HDLBP: variants seen among roughly 807,000 people sequenced by gnomAD.
The protein encoded by HDLBP is vigilin.
HDLBP carries 30 observed loss-of-function variants against 137.3 expected under a neutral mutation model. That is an observed-to-expected ratio of 0.22 (90% confidence interval 0.16 to 0.30). The LOEUF is 0.30. Among genes scored for constraint, HDLBP ranks in the 10% least tolerant of loss-of-function variants. The pLI, the probability that HDLBP is intolerant of heterozygous loss-of-function variation, is 1.00. For missense variants in HDLBP, 1,119 were observed against 1,667.3 expected (o/e 0.67, Z 5.73); for synonymous variants, 606 against 596.0 (o/e 1.02, Z -0.24).
intron 20 of HDLBP, among the ~76,000 whole-genome samples, chr2:241,237,593 T>TAA: frequency 6.6e-6 from 1 of 152,148 alleles, no homozygotes; most frequent in Non-Finnish European, 1.5e-5. Flanking sequence ...GACAACATAT[T>TAA]AGATACTACT....
Position 241,246,836 on chromosome 2 carries a change from G to T in HDLBP, c.1866C>A (p.Ser622Arg). The T allele has an allele frequency of 6.2e-7, 1 of 1,613,942 alleles. No individual in the cohort carries two copies. Among genetic ancestry groups the T allele is most frequent in the Non-Finnish European group, 8.5e-7 (1 of 1,179,788 alleles). ...NTKIDLPAEN[S>R]NSETIIITGK... Reference sequence around the variant, plus strand: ...CTGTGATGATAATGGTCTCTGAATTGCTATTCTCTGCTGGAAGGTCGATTT... The same window carrying T: ...CTGTGATGATAATGGTCTCTGAATTTCTATTCTCTGCTGGAAGGTCGATTT... Residue 622 changes from serine to arginine, a missense_variant, in exon 16 of 28, where the codon AGC becomes AGA. By Grantham distance (110) the Ser-to-Arg change is moderately radical. This residue lies in a region of HDLBP where 425 missense variants were observed against 693.9 expected (regional missense o/e 0.61). Coordinates refer to ENST00000310931, the MANE Select transcript of HDLBP (RefSeq NM_005336.6).
At chr2:241,301,500 C>CA (rs2075395154) in intron 1 of HDLBP, among the ~76,000 whole-genome samples, 1 of 152,106 alleles carries the variant, frequency 6.6e-6, no homozygotes, top group Admixed American at 6.5e-5. Context: ...TCGGATGATG[C>CA]AGTGTATTTC....
At chr2:241,235,052 T>C in intron 23 of HDLBP, 69 bp downstream of exon 23, 1 of 1,571,512 alleles carries the variant, frequency 6.4e-7, no homozygotes, top group Non-Finnish European at 8.6e-7. Flanking sequence ...AGAACTTCCC[T>C]AGATTCTGAC....
chr2:241,273,487 G>C (rs1367716067), intron 1 of HDLBP: 1 of 647,784 alleles, frequency 1.5e-6, no homozygotes, highest in Non-Finnish European at 1.9e-6. Context: ...TGGGCGGAAC[G>C]GAATCCCTAC....
chr2:241,271,419 G>A (rs2074028717), intron 1 of HDLBP, among the ~76,000 whole-genome samples: 1 of 152,230 alleles, frequency 6.6e-6, no homozygotes. Context: ...AATACGTGTA[G>A]AGCAAAACGT....
intron 11 of HDLBP, among the ~76,000 whole-genome samples, chr2:241,251,805 T>G (rs1014384855): frequency 6.6e-6 from 1 of 151,998 alleles, no homozygotes; most frequent in Non-Finnish European, 1.5e-5. Context: ...TGAAATTCCA[T>G]CTCTACTAAA....
chr2:241,236,946 C>A (rs1325773057), intron 20 of HDLBP, among the ~76,000 whole-genome samples, 177 bp from the exon 21 acceptor site: 1 of 148,732 alleles, frequency 6.7e-6, no homozygotes, highest in Non-Finnish European at 1.5e-5. Context: ...AGGACGTCCC[C>A]ACAGCAGCCT....
intron 22 of HDLBP, 48 bp from the exon 23 acceptor site, chr2:241,235,303 G>A (rs2070272179): frequency 6.2e-7 from 1 of 1,613,286 alleles, no homozygotes. Context: ...CAGAGAACAG[G>A]AAAGAGTCCA....
At chr2:241,244,779 T>G (rs573853174) in intron 16 of HDLBP, among the ~76,000 whole-genome samples, 1 of 152,374 alleles carries the variant, frequency 6.6e-6, no homozygotes, top group South Asian at 2.1e-4. Flanking sequence ...CATTTTTTCA[T>G]ATTATTTAAA....
chr2:241,314,245 T>A (rs1429894176), intron 1 of HDLBP, among the ~76,000 whole-genome samples: 1 of 152,156 alleles, frequency 6.6e-6, no homozygotes, highest in African/African-American at 2.4e-5. Flanking sequence ...CTTTTACATG[T>A]CAAAAAATCA....
At chr2:241,273,703 G>A (rs2074280322) in intron 1 of HDLBP, 3 of 974,860 alleles carry the variant, frequency 3.1e-6, no homozygotes, top group Non-Finnish European at 3.7e-6. Flanking sequence ...GGACAAGACC[G>A]TCCCACACAG....
At chr2:241,250,072 T>A (rs751642744) in intron 11 of HDLBP, 92 bp from the exon 12 acceptor site, 74 of 1,257,506 alleles carry the variant, frequency 5.9e-5, no homozygotes, top group Non-Finnish European at 7.4e-5. Flanking sequence ...AAGCGCTAAA[T>A]AACCTTATCT....
At chr2:241,254,018 C>T (rs999548371) in intron 9 of HDLBP, among the ~76,000 whole-genome samples, 1 of 152,190 alleles carries the variant, frequency 6.6e-6, no homozygotes, top group Non-Finnish European at 1.5e-5. Flanking sequence ...GGCACAGTGA[C>T]TCACACCCAT....
rs930535957 is a variant in HDLBP, at chr2:241,240,964, T to C, written c.2170-842A>G. ...GCACAAAAATATTAAATAACAACTT[T>C]GCTACCTTTTAAGTGCAGGTTTCAC... On this transcript the variant is annotated intron_variant, in intron 17 of 27. Coordinates refer to ENST00000310931, the MANE Select transcript of HDLBP (RefSeq NM_005336.6). This position sits in a 1 kb window ranked among gnomAD's most constrained non-coding sequence, Gnocchi z 5.5. Among the ~76,000 whole-genome samples the C allele has an allele frequency of 6.6e-6, 1 of 152,168 alleles. No homozygotes were observed. Among genetic ancestry groups the C allele is most frequent in the Admixed American group, 6.5e-5 (1 of 15,272 alleles).
At chr2:241,236,815 A>G (rs2070534561) in intron 20 of HDLBP, 46 bp from the exon 21 acceptor site, 5 of 1,594,438 alleles carry the variant, frequency 3.1e-6, no homozygotes, top group Non-Finnish European at 3.4e-6. Flanking sequence ...GCTGGAAGAG[A>G]CCCCACACCT....
At chr2:241,295,280 A>C (rs2075136250) in intron 1 of HDLBP, among the ~76,000 whole-genome samples, 1 of 152,262 alleles carries the variant, frequency 6.6e-6, no homozygotes, top group African/African-American at 2.4e-5. Context: ...CTAATAGTAT[A>C]GTATTAAAAT....
intron 16 of HDLBP, 141 bp downstream of exon 16, chr2:241,246,611 A>G (rs1312561060): frequency 3.7e-6 from 3 of 802,522 alleles, no homozygotes; most frequent in African/African-American, 3.4e-5. Context: ...CCAACTCATC[A>G]GTAGCCTGGA....
intron 1 of HDLBP, among the ~76,000 whole-genome samples, chr2:241,314,274 T>C (rs2075899508): frequency 1.3e-5 from 2 of 152,214 alleles, no homozygotes. Context: ...ACCTAAGCAC[T>C]ACGTTTCATC....
At chr2:241,290,388 A>G (rs558322702) in intron 1 of HDLBP, among the ~76,000 whole-genome samples, 4 of 152,272 alleles carry the variant, frequency 2.6e-5, no homozygotes, top group African/African-American at 9.6e-5. Flanking sequence ...AGGTGGGTGG[A>G]TTACCTGAGG....
Sources: allele counts gnomAD v4.1 joint callset (sites outside exome capture counted in the v4.1 genomes callset), GRCh38; gene constraint gnomAD v4.1.1; regional missense constraint gnomAD v4.1.1; non-coding constraint Gnocchi (gnomAD v3.1); transcripts MANE v1.5; gene names NCBI Gene and HGNC (gene_info 2026-07-23, HGNC 2026-07-21).